Variants in CSMD2 observed in about 807,000 individuals in gnomAD.
The protein encoded by CSMD2 is CUB and Sushi multiple domains 2.
In CSMD2, 130 loss-of-function variants were observed where a neutral mutation model predicts 398.5. The ratio of observed to expected loss-of-function variants is 0.33; its 90% CI spans 0.28 to 0.38. The LOEUF (loss-of-function observed/expected upper bound fraction) is 0.38. Among genes scored for constraint, CSMD2 ranks in the 10% least tolerant of loss-of-function variants. CSMD2 has a pLI of 1.00. For missense variants in CSMD2, 3,829 were observed against 4,764.9 expected (o/e 0.80, Z 5.78); for synonymous variants, 1,828 against 1,908.5 (o/e 0.96, Z 1.10).
At chr1:34,028,599 T>C (rs535183838) in intron 3 of CSMD2, among the ~76,000 whole-genome samples, 4 of 152,330 alleles carry the variant, frequency 2.6e-5, no homozygotes, top group African/African-American at 9.6e-5. Context: ...CAAAGAGTTT[T>C]GCAGAAAAGC....
chr1:34,044,549 A>G (rs1219290237), intron 2 of CSMD2, among the ~76,000 whole-genome samples: 3 of 149,214 alleles, frequency 2.0e-5, no homozygotes, highest in African/African-American at 7.4e-5. Flanking sequence ...TATGTCAGCC[A>G]TGAGGCTGCT....
chr1:34,033,557 C>T (rs565852129), intron 2 of CSMD2, among the ~76,000 whole-genome samples: 1 of 152,296 alleles, frequency 6.6e-6, no homozygotes, highest in African/African-American at 2.4e-5. Flanking sequence ...GCCTGGTGAC[C>T]CTCACAGGGA....
chr1:33,935,625 T>TG, intron 4 of CSMD2, 135 bp downstream of exon 4: 2 of 875,208 alleles, frequency 2.3e-6, no homozygotes, highest in East Asian at 5.5e-5. Context: ...GAAAACCCTC[T>TG]GTGCTGTCCA....
intron 4 of CSMD2, among the ~76,000 whole-genome samples, chr1:33,930,487 C>T (rs537360458): frequency 1.3e-5 from 2 of 152,342 alleles, no homozygotes; most frequent in South Asian, 2.1e-4. Context: ...ATTCCGTCTT[C>T]CCCAGGTATG....
At chr1:33,527,399 G>A in intron 64 of CSMD2, 141 bp from the exon 65 acceptor site, 3 of 629,918 alleles carry the variant, frequency 4.8e-6, no homozygotes, top group Non-Finnish European at 2.8e-6. Context: ...AGACCAGGAG[G>A]TAGACTGCTT....
At chr1:33,542,583 A>C in intron 58 of CSMD2, 137 bp downstream of exon 58, 1 of 692,174 alleles carries the variant, frequency 1.4e-6, no homozygotes, top group Non-Finnish European at 2.3e-6. Flanking sequence ...AACAGAGGCT[A>C]TTCATATGAT....
intron 1 of CSMD2, among the ~76,000 whole-genome samples, chr1:34,156,075 A>G (rs562107406): frequency 1.3e-4 from 20 of 152,334 alleles, no homozygotes; most frequent in African/African-American, 4.3e-4. Flanking sequence ...GGCCAGGAGG[A>G]TAGGGCCACA....
At chr1:34,070,506 C>G (rs1655612008) in intron 2 of CSMD2, among the ~76,000 whole-genome samples, 1 of 152,180 alleles carries the variant, frequency 6.6e-6, no homozygotes, top group Admixed American at 6.5e-5. Context: ...TTCTCCTCTG[C>G]AAAATGGGAT....
chr1:33,601,544 G>C (rs1300062131), intron 43 of CSMD2, among the ~76,000 whole-genome samples: 1 of 152,176 alleles, frequency 6.6e-6, no homozygotes, highest in African/African-American at 2.4e-5. Context: ...TCTGGTTACA[G>C]TTATCCAAGC....
chr1:33,934,586 T>A (rs1224715956), intron 4 of CSMD2, among the ~76,000 whole-genome samples: 1 of 152,238 alleles, frequency 6.6e-6, no homozygotes, highest in Non-Finnish European at 1.5e-5. Context: ...ATTTGTAATA[T>A]ATGCATATGT....
At chr1:33,710,399 CTGAATGAATGAA>C (rs10632721) in intron 21 of CSMD2, among the ~76,000 whole-genome samples, 3 of 151,820 alleles carry the variant, frequency 2.0e-5, no homozygotes, top group East Asian at 3.9e-4. Flanking sequence ...TAAATATTTA[CTGAATGAATGAA>C]TGAATGAATG....
chr1:33,824,245 A>G (rs1658523290), intron 7 of CSMD2, among the ~76,000 whole-genome samples: 1 of 152,204 alleles, frequency 6.6e-6, no homozygotes, highest in South Asian at 2.1e-4. Flanking sequence ...CTGTGGCTAC[A>G]GAAAGAAAAA....
At chr1:33,652,767 G>A (rs1020565629) in intron 27 of CSMD2, among the ~76,000 whole-genome samples, 7 of 152,054 alleles carry the variant, frequency 4.6e-5, no homozygotes, top group Non-Finnish European at 1.0e-4. Flanking sequence ...ATTATTTTTT[G>A]AGACGGAGTC....
At chr1:33,792,214 C>T (rs1654407948) in intron 11 of CSMD2, among the ~76,000 whole-genome samples, 1 of 152,202 alleles carries the variant, frequency 6.6e-6, no homozygotes, top group African/African-American at 2.4e-5. Flanking sequence ...ATTCACATTT[C>T]ATATGAATTC....
At position 34,011,698 on chromosome 1, in the gene CSMD2, T is replaced by G. The variant is rs60099899; in HGVS notation, c.517+20896A>C. 3.2e-3 allele frequency among the ~76,000 whole-genome samples: 492 copies of G among 152,312 alleles called. 8 individuals are homozygous for G. Among genetic ancestry groups the G allele is most frequent in the Middle Eastern group, 0.024 (7 of 294 alleles). On this transcript the variant is annotated intron_variant, in intron 3 of 70. Coordinates refer to ENST00000373381, the MANE Select transcript of CSMD2 (RefSeq NM_001281956.2). Reference sequence around the variant, plus strand: ...CATGAAGAATGGGGTATCCATCCCCTCAGGCATGTATCCTTTGTGTTACAA... The same window carrying G: ...CATGAAGAATGGGGTATCCATCCCCGCAGGCATGTATCCTTTGTGTTACAA...
intron 5 of CSMD2, among the ~76,000 whole-genome samples, chr1:33,888,838 G>A (rs1641783160): frequency 6.6e-6 from 1 of 152,014 alleles, no homozygotes; most frequent in Non-Finnish European, 1.5e-5. Flanking sequence ...CGCAATATCG[G>A]CTCACTGCAA....
At chr1:33,625,628 G>A (rs2148886239) in intron 33 of CSMD2, among the ~76,000 whole-genome samples, 1 of 152,224 alleles carries the variant, frequency 6.6e-6, no homozygotes, top group South Asian at 2.1e-4. Context: ...CCTCTGTCCT[G>A]TTTTCCCCAT....
At chr1:33,921,228 G>C (rs186615976) in intron 4 of CSMD2, among the ~76,000 whole-genome samples, 1 of 152,300 alleles carries the variant, frequency 6.6e-6, no homozygotes, top group Non-Finnish European at 1.5e-5. Context: ...GATTGGCCTT[G>C]CTTGGCTTTA....
chr1:33,922,808 T>C (rs1643990630), intron 4 of CSMD2, among the ~76,000 whole-genome samples: 1 of 152,178 alleles, frequency 6.6e-6, no homozygotes, highest in Non-Finnish European at 1.5e-5. Context: ...CTGCCATTGC[T>C]GTACCCCAAG....
Sources: allele counts gnomAD v4.1 joint callset (sites outside exome capture counted in the v4.1 genomes callset), GRCh38; gene constraint gnomAD v4.1.1; transcripts MANE v1.5; gene names NCBI Gene and HGNC (gene_info 2026-07-23, HGNC 2026-07-21).